Variants in MME observed in about 807,000 individuals in gnomAD.
MME encodes the protein neprilysin.
Under a neutral mutation model 113.2 loss-of-function variants are expected in MME, and 98 were observed. The observed-to-expected ratio is 0.87, with a 90% CI of 0.74 to 1.02. The LOEUF is 1.02. Among genes scored for constraint, MME ranks in the 50% least tolerant of loss-of-function variants. The pLI is 0.00. For missense variants in MME, 836 were observed against 896.0 expected, an observed-to-expected ratio of 0.93 and a Z score of 0.86; for synonymous variants, 292 against 300.6, an observed-to-expected ratio of 0.97 and a Z score of 0.30.
chr3:155,028,565 T>C (rs1047605821), intron 1 of MME, among the ~76,000 whole-genome samples: 6 of 152,204 alleles, frequency 3.9e-5, no homozygotes, highest in African/African-American at 1.4e-4. Flanking sequence ...AGCCACACTT[T>C]ATAGATGGAG....
intron 3 of MME, among the ~76,000 whole-genome samples, chr3:155,113,635 T>C (rs1403793083): frequency 6.6e-6 from 1 of 152,094 alleles, no homozygotes; most frequent in African/African-American, 2.4e-5. Flanking sequence ...TTTCGGGAAG[T>C]TTGGTTTGTG....
At position 155,067,300 on chromosome 3, in the gene MME, CTTTTTTTTTTT is replaced by C. The variant is rs576443367; in HGVS notation, c.-10-16842_-10-16832del. ...GATTTAGCTTTTGCAATTTATTTTC[CTTTTTTTTTTT>C]TTTTTTTTTTTTTTTGGGAGACTGA... On this transcript the variant is annotated intron_variant, in intron 1 of 22. Transcript: ENST00000492661. 5.5e-4 allele frequency among the ~76,000 whole-genome samples: 51 copies of C among 92,076 alleles called. No homozygotes were observed. In the East Asian group the frequency reaches 0.011, roughly 19 times the overall value. The allele number at this position is 92,076 out of a possible 152,430, so 60.4% of individuals were successfully genotyped here. A position where few individuals can be genotyped will look rare whatever the true frequency, so the allele number is the denominator to read the frequency against.
At chr3:155,147,343 AT>A in intron 15 of MME, 119 bp downstream of exon 15, 1 of 723,078 alleles carries the variant, frequency 1.4e-6, no homozygotes, top group South Asian at 1.5e-5. Flanking sequence ...GTTGTATTAT[AT>A]AAAGCCTTCA....
chr3:155,171,515 A>G (rs972556972), intron 20 of MME, among the ~76,000 whole-genome samples: 6 of 152,118 alleles, frequency 3.9e-5, no homozygotes, highest in African/African-American at 1.4e-4. Flanking sequence ...AATTAAGAGG[A>G]TTTTCTGACA....
In MME at chr3:155,150,348, G is replaced by T. The variant is rs569051977; in HGVS notation, c.1601+1695G>T. Among the ~76,000 whole-genome samples the T allele has an allele frequency of 2.6e-5, 4 of 152,104 alleles. No individual in the cohort carries two copies. In the South Asian group the frequency reaches 8.3e-4, roughly 32 times the overall value. ...TTCATCATATGGGCTGATTTTCTCT[G>T]CATTCTTCTCTTTTTAAGATAGATA... On this transcript the variant is annotated intron_variant, in intron 16 of 22. Coordinates refer to ENST00000360490, the MANE Select transcript of MME (RefSeq NM_007289.4).
At chr3:155,053,506 T>A (rs1181319700) in intron 1 of MME, among the ~76,000 whole-genome samples, 2 of 152,168 alleles carry the variant, frequency 1.3e-5, no homozygotes, top group African/African-American at 4.8e-5. Flanking sequence ...TTATTCACTA[T>A]GAGGAGAACA....
intron 20 of MME, among the ~76,000 whole-genome samples, chr3:155,170,115 G>A (rs1436298678): frequency 2.0e-5 from 3 of 152,038 alleles, no homozygotes; most frequent in Non-Finnish European, 4.4e-5. Flanking sequence ...GCACGAACTC[G>A]GCTCACTGCA....
rs146435811 is a variant in MME, at chr3:155,031,143, T to C, written c.-11+6819T>C. ...GTTGCTTAGCTAATCCCTTGAATGTTAACATTTTACAGACATGTTAAGCTT... is the reference window on the plus strand; with the variant it reads ...GTTGCTTAGCTAATCCCTTGAATGTCAACATTTTACAGACATGTTAAGCTT... On this transcript the variant is annotated intron_variant, in intron 1 of 22. Transcript: ENST00000492661. Among the ~76,000 whole-genome samples, 292 of 152,330 alleles carry C rather than the reference T, an allele frequency of 1.9e-3. 1 individual carries two copies. Among genetic ancestry groups the C allele is most frequent in the African/African-American group, 6.9e-3 (288 of 41,580 alleles).
chr3:155,056,303 T>C (rs1713925241), intron 1 of MME, among the ~76,000 whole-genome samples: 1 of 151,120 alleles, frequency 6.6e-6, no homozygotes, highest in African/African-American at 2.4e-5. Flanking sequence ...GCATTAGGTA[T>C]ATCTCCTAAA....
At chr3:155,063,245 A>ATGT (rs1246280068) in intron 1 of MME, among the ~76,000 whole-genome samples, 3 of 117,354 alleles carry the variant, frequency 2.6e-5, no homozygotes, top group African/African-American at 1.0e-4. Flanking sequence ...TATATTATAT[A>ATGT]ATAATATACA....
chr3:155,170,959 C>A (rs1178312226), intron 20 of MME, among the ~76,000 whole-genome samples: 2 of 152,090 alleles, frequency 1.3e-5, no homozygotes, highest in Non-Finnish European at 2.9e-5. Flanking sequence ...ATATTTTGTT[C>A]ATCATTTAGT....
At chr3:155,152,583 A>G (rs1249005549) in intron 16 of MME, among the ~76,000 whole-genome samples, 4 of 152,148 alleles carry the variant, frequency 2.6e-5, no homozygotes, top group South Asian at 4.1e-4. Flanking sequence ...GCTCACGCCT[A>G]TAATCCTAGC....
intron 1 of MME, among the ~76,000 whole-genome samples, chr3:155,065,482 A>G (rs1474009654): frequency 1.3e-5 from 2 of 152,208 alleles, no homozygotes; most frequent in East Asian, 3.8e-4. Context: ...CTCCCCCAGC[A>G]CGAGCTACAG....
chr3:155,115,028 T>C lies in MME; in HGVS notation c.231T>C (p.Thr77=). 1 of 1,614,146 alleles carries C rather than the reference T, an allele frequency of 6.2e-7. No individual in the cohort carries two copies. The highest frequency in any genetic ancestry group is 8.5e-7 in the Non-Finnish European group (1 of 1,179,996). ...ARLIQNMDAT[T]EPCTDFFKYA... ...TGATCCAAAACATGGATGCCACCAC[T>C]GAGCCTTGTACAGACTTTTTCAAAT... The change falls in exon 4 of 23, where the codon ACT becomes ACC. Residue 77 remains threonine (T), a synonymous_variant. Transcript: ENST00000360490.
chr3:155,172,229 G>A lies in MME; in HGVS notation c.2076+17G>A, dbSNP rs1196757801. ...TTTGCACAGGTATTGTGTCTTTCTT[G>A]ATTGATAGATATGAAAACCATTTTG... On this transcript the variant is annotated intron_variant, in intron 21 of 22. Coordinates refer to ENST00000360490, the MANE Select transcript of MME (RefSeq NM_007289.4). The A allele has an allele frequency of 3.3e-6, 5 of 1,508,810 alleles. No individual in the cohort carries two copies. The African/African-American group carries it at 6.9e-5, about 21-fold the overall frequency. 93.5% of individuals were successfully genotyped at this position (1,508,810 alleles called of 1,614,324 possible). A position where few individuals can be genotyped will look rare whatever the true frequency, so the allele number is the denominator to read the frequency against.
chr3:155,079,245 AGAAG>A (rs1212056476), upstream of MME, among the ~76,000 whole-genome samples: 1 of 152,034 alleles, frequency 6.6e-6, no homozygotes, highest in Admixed American at 6.5e-5. Flanking sequence ...ATTTAAATGA[AGAAG>A]GAAGGAAGCT....
intron 3 of MME, among the ~76,000 whole-genome samples, chr3:155,109,662 T>C (rs766647736): frequency 1.3e-5 from 2 of 152,174 alleles, no homozygotes; most frequent in Non-Finnish European, 2.9e-5. Context: ...TGACTGCACA[T>C]TAGACCCACT....
At chr3:155,164,228 T>C (rs1390083801) in intron 17 of MME, among the ~76,000 whole-genome samples, 1 of 152,030 alleles carries the variant, frequency 6.6e-6, no homozygotes, top group East Asian at 1.9e-4. Flanking sequence ...TGAAATATTC[T>C]AAAATTGAAT....
chr3:155,072,310 C>A (rs1714602230), intron 1 of MME, among the ~76,000 whole-genome samples: 1 of 152,162 alleles, frequency 6.6e-6, no homozygotes, highest in Non-Finnish European at 1.5e-5. Flanking sequence ...TGCTCCACTG[C>A]ACAAAATTCC....
Sources: allele counts gnomAD v4.1 joint callset (sites outside exome capture counted in the v4.1 genomes callset), GRCh38; gene constraint gnomAD v4.1.1; transcripts MANE v1.5; gene names NCBI Gene and HGNC (gene_info 2026-07-23, HGNC 2026-07-21).